ESRRG: variants seen among roughly 807,000 people sequenced by gnomAD.
ESRRG encodes estrogen-related receptor gamma.
Under a neutral mutation model 44.0 loss-of-function variants are expected in ESRRG, and 13 were observed. The ratio of observed to expected loss-of-function variants is 0.30; its 90% CI spans 0.19 to 0.47. The LOEUF is 0.47. Among genes scored for constraint, ESRRG ranks in the 20% least tolerant of loss-of-function variants. The pLI is 1.00. For missense variants in ESRRG, 395 were observed against 580.6 expected (o/e 0.68, Z 3.29); for synonymous variants, 215 against 214.6 (o/e 1.00, Z -0.02).
intron 1 of ESRRG, among the ~76,000 whole-genome samples, chr1:217,125,334 A>C (rs1235541747): frequency 6.6e-6 from 1 of 152,192 alleles, no homozygotes; most frequent in Non-Finnish European, 1.5e-5. Flanking sequence ...ATTACATACC[A>C]TAGTCCTCTC....
chr1:216,670,904 C>T (rs1460413669), intron 2 of ESRRG, among the ~76,000 whole-genome samples: 1 of 152,028 alleles, frequency 6.6e-6, no homozygotes, highest in Non-Finnish European at 1.5e-5. Context: ...CAAAGACTGA[C>T]CAATAAAAAG....
In ESRRG at chr1:216,664,960, A is replaced by G. The variant is rs115631090; in HGVS notation, c.472+12116T>C. Among the ~76,000 whole-genome samples, 1,379 of 152,292 alleles carry G rather than the reference A, an allele frequency of 9.1e-3. 20 individuals carry two copies. Among genetic ancestry groups the G allele is most frequent in the African/African-American group, 0.031 (1,305 of 41,548 alleles). Reference sequence around the variant, plus strand: ...TGCAGTATTATTTACAATAGCCAAGAGATGGAAGCAACATAAATGTCAGCC... The same window carrying G: ...TGCAGTATTATTTACAATAGCCAAGGGATGGAAGCAACATAAATGTCAGCC... On this transcript the variant is annotated intron_variant, in intron 2 of 6. Coordinates refer to ENST00000408911, the MANE Select transcript of ESRRG (RefSeq NM_001438.4).
chr1:216,821,687 G>A (rs1559764207), intron 2 of ESRRG, among the ~76,000 whole-genome samples: 2 of 54,240 alleles, frequency 3.7e-5, no homozygotes, highest in Non-Finnish European at 4.0e-5. Context: ...CCTGCCTCAG[G>A]AAAAATAAAT....
intron 2 of ESRRG, among the ~76,000 whole-genome samples, chr1:216,789,791 T>C (rs947458686): frequency 6.6e-6 from 1 of 152,128 alleles, no homozygotes; most frequent in Non-Finnish European, 1.5e-5. Flanking sequence ...ATATAAAAGA[T>C]AAAGCCTCAT....
chr1:216,537,140 G>A (rs2051217937), intron 5 of ESRRG, among the ~76,000 whole-genome samples: 1 of 152,030 alleles, frequency 6.6e-6, no homozygotes, highest in African/African-American at 2.4e-5. Flanking sequence ...TTAGGAAGGA[G>A]GGTGTCTAGG....
intron 1 of ESRRG, among the ~76,000 whole-genome samples, chr1:217,066,858 A>G (rs1453229717): frequency 6.6e-6 from 1 of 152,242 alleles, no homozygotes; most frequent in Non-Finnish European, 1.5e-5. Context: ...CTAACTGAGA[A>G]CCACTAGTCT....
intron 2 of ESRRG, among the ~76,000 whole-genome samples, chr1:216,919,183 C>T (rs1299581486): frequency 6.6e-6 from 1 of 152,114 alleles, no homozygotes; most frequent in East Asian, 1.9e-4. Context: ...AACTTTGAAA[C>T]TCACAAACGG....
intron 2 of ESRRG, among the ~76,000 whole-genome samples, chr1:216,778,873 C>T (rs368613446): frequency 4.0e-5 from 6 of 151,192 alleles, no homozygotes; most frequent in African/African-American, 1.5e-4. Flanking sequence ...GGAGATGAGA[C>T]AGAAAGTAAG....
At chr1:217,028,028 C>T (rs1399254479) in intron 1 of ESRRG, among the ~76,000 whole-genome samples, 4 of 152,146 alleles carry the variant, frequency 2.6e-5, no homozygotes, top group African/African-American at 7.2e-5. Context: ...GAAACTGTCA[C>T]GAGAATCACA....
At chr1:216,976,688 A>T (rs79531770) in intron 1 of ESRRG, among the ~76,000 whole-genome samples, 2,113 of 152,190 alleles carry the variant, frequency 0.014, 70 homozygotes, top group East Asian at 0.085. Flanking sequence ...ATTTGTAGGA[A>T]CCTAACTGCC....
In ESRRG at chr1:216,772,847, C is replaced by A. The variant is rs1434002355; in HGVS notation, c.-13-95356G>T. Among the ~76,000 whole-genome samples, 5 of 134,786 alleles carry A rather than the reference C, an allele frequency of 3.7e-5. No individual in the cohort carries two copies. In the East Asian group the frequency reaches 1.2e-3, roughly 32 times the overall value. 88.4% of individuals were successfully genotyped at this position (134,786 alleles called of 152,430 possible). A position where few individuals can be genotyped will look rare whatever the true frequency, so the allele number is the denominator to read the frequency against. On this transcript the variant is annotated intron_variant, in intron 2 of 7. Coordinates refer to the ESRRG transcript ENST00000359162. ...GGCAGCTGCAAGTCAGGAGCACTAG[C>A]ACATTTTTTTTTTTTTAATAAGCTG...
chr1:216,845,160 A>G (rs2095722007), intron 2 of ESRRG, among the ~76,000 whole-genome samples: 1 of 152,038 alleles, frequency 6.6e-6, no homozygotes, highest in Non-Finnish European at 1.5e-5. Context: ...TTTAATGTCT[A>G]TTTCTTTATC....
intron 1 of ESRRG, among the ~76,000 whole-genome samples, chr1:217,134,486 C>G (rs1304265077): frequency 1.3e-5 from 2 of 152,184 alleles, no homozygotes; most frequent in Non-Finnish European, 1.5e-5. Context: ...TAATTCCTCC[C>G]TACCCCCGCT....
intron 3 of ESRRG, among the ~76,000 whole-genome samples, chr1:216,581,578 A>T (rs537788311): frequency 6.6e-6 from 1 of 152,284 alleles, no homozygotes; most frequent in African/African-American, 2.4e-5. Context: ...AAATTCAGAC[A>T]ACTACAGGGA....
chr1:216,595,808 T>G (rs1189313745), intron 3 of ESRRG, among the ~76,000 whole-genome samples: 1 of 152,240 alleles, frequency 6.6e-6, no homozygotes. Context: ...AATGCTGGAT[T>G]ATGAAAACAC....
chr1:216,881,527 T>C (rs957829944), intron 2 of ESRRG, among the ~76,000 whole-genome samples: 8 of 152,036 alleles, frequency 5.3e-5, no homozygotes, highest in African/African-American at 1.9e-4. Flanking sequence ...CTGGTAGCTA[T>C]ACGAAAGGAG....
chr1:216,653,997 C>A (rs567636336), intron 2 of ESRRG, among the ~76,000 whole-genome samples: 3 of 150,306 alleles, frequency 2.0e-5, no homozygotes, highest in South Asian at 2.1e-4. Context: ...GTGGTGTGAA[C>A]CTTTAGTCCC....
intron 1 of ESRRG, among the ~76,000 whole-genome samples, chr1:217,036,720 C>G (rs1352098838): frequency 6.6e-6 from 1 of 151,800 alleles, no homozygotes; most frequent in African/African-American, 2.4e-5. Flanking sequence ...GAATACTAGA[C>G]TTAATACCTG....
chr1:216,811,168 TG>T (rs2094956781), intron 2 of ESRRG, among the ~76,000 whole-genome samples: 1 of 152,126 alleles, frequency 6.6e-6, no homozygotes, highest in Non-Finnish European at 1.5e-5. Flanking sequence ...CTTGAGGAAA[TG>T]TTTGGTATGG....
Sources: gnomAD v4.1 joint callset for allele counts (sites outside exome capture counted in the v4.1 genomes callset) on GRCh38, gnomAD v4.1.1 for gene constraint, MANE v1.5 for transcripts, NCBI Gene and HGNC (gene_info 2026-07-23, HGNC 2026-07-21) for gene names.